The following VPS13A variants were observed in gnomAD, a reference collection of about 807,000 sequenced individuals.
VPS13A encodes the protein intermembrane lipid transfer protein VPS13A.
VPS13A carries 264 observed loss-of-function variants against 390.9 expected under a neutral mutation model. The ratio of observed to expected loss-of-function variants is 0.68; its 90% CI spans 0.61 to 0.75. VPS13A has a LOEUF of 0.75. VPS13A is among the 30% of genes least tolerant of loss of function. The pLI is 0.00. For synonymous variants in VPS13A, 1,231 were observed against 1,227.1 expected (o/e 1.00, Z -0.07); for missense variants, 3,409 against 3,733.9 (o/e 0.91, Z 2.27).
intron 71 of VPS13A, among the ~76,000 whole-genome samples, chr9:77,408,489 G>A (rs909280411): frequency 2.4e-4 from 37 of 152,340 alleles, no homozygotes; most frequent in African/African-American, 6.3e-4. Context: ...AAAGTAGGGC[G>A]AGGCATCACC....
At chr9:77,206,458 A>AATTC (rs2131127477) in intron 5 of VPS13A, among the ~76,000 whole-genome samples, 2 of 151,966 alleles carry the variant, frequency 1.3e-5, no homozygotes, top group East Asian at 3.9e-4. Flanking sequence ...CTTTTATATC[A>AATTC]ATTCTTCACC....
rs761346158 is a variant in VPS13A at position 77,227,380 on chromosome 9, C to G, written c.1358-11C>G. ...ATTTAAGAACATAAAGCACTTCTTT[C>G]TGATTTGTAGCTCTTGAAGAAATGT... On this transcript the variant is annotated splice_polypyrimidine_tract_variant and intron_variant, in intron 15 of 71. Transcript: ENST00000360280. The G allele has an allele frequency of 3.1e-6, 5 of 1,594,656 alleles. No homozygotes were observed. The highest frequency in any genetic ancestry group is 4.3e-6 in the Non-Finnish European group (5 of 1,163,164).
At chr9:77,411,141 A>C (rs1036184753) in intron 71 of VPS13A, among the ~76,000 whole-genome samples, 60 of 152,196 alleles carry the variant, frequency 3.9e-4, no homozygotes, top group Non-Finnish European at 6.5e-4. Flanking sequence ...AACTCACTTA[A>C]AACCACTCAA....
chr9:77,353,303 T>A, intron 53 of VPS13A, 106 bp from the exon 54 acceptor site: 1 of 797,910 alleles, frequency 1.3e-6, no homozygotes. Flanking sequence ...ATGAAGTAGG[T>A]GCCATTAATA....
At position 77,299,479 on chromosome 9, in the gene VPS13A, G is replaced by A. The variant is rs190130227; in HGVS notation, c.3813-3436G>A. On this transcript the variant is annotated intron_variant, in intron 33 of 71. Transcript: ENST00000360280. The stretch of plus-strand genomic sequence containing the variant: ...GAACACTTTTACACTGTTGGTGTGC[G>A]TGTAAATTAGTGCAACCATTGTGGA... 9.9e-5 allele frequency among the ~76,000 whole-genome samples: 15 copies of A among 152,258 alleles called. No homozygotes were observed. The East Asian group carries it at 1.5e-3, about 16-fold the overall frequency.
At position 77,337,450 on chromosome 9, in the gene VPS13A, T is replaced by C. The variant is rs531944097; in HGVS notation, c.6291T>C (p.Asp2097=). The C allele has an allele frequency of 2.3e-5, 37 of 1,613,318 alleles. No homozygotes were observed. Among genetic ancestry groups the C allele is most frequent in the Non-Finnish European group, 3.1e-5 (36 of 1,179,526 alleles). Residue 2097 remains aspartate (D), a synonymous_variant, in exon 47 of 72, where the codon GAT becomes GAC. Transcript: ENST00000360280. ...NLTSLSVYSE[D]GWDLPYIMHL... The stretch of plus-strand genomic sequence containing the variant: ...CATCTCTATCAGTGTATTCAGAAGA[T>C]GGTTGGGATTTACCATACATAATGC...
At position 77,370,398 on chromosome 9, in the gene VPS13A, A is replaced by C. The variant is rs768324037; in HGVS notation, c.8744-17A>C. On this transcript the variant is annotated splice_polypyrimidine_tract_variant and intron_variant, in intron 64 of 71. Transcript: ENST00000360280. ...AGTAATGGCATCATTACTTTTACTA[A>C]AGATAATTTCTGTCAGGTGGATTGG... 2 of 1,614,138 alleles carry C rather than the reference A, an allele frequency of 1.2e-6. No individual in the cohort carries two copies. The highest frequency in any genetic ancestry group is 1.7e-6 in the Non-Finnish European group (2 of 1,180,008).
intron 68 of VPS13A, among the ~76,000 whole-genome samples, chr9:77,397,424 T>C (rs1278717470): frequency 6.6e-6 from 1 of 152,228 alleles, no homozygotes; most frequent in East Asian, 1.9e-4. Flanking sequence ...CATGTTCTTG[T>C]CCTTTAACCA....
rs908388159 is a variant in VPS13A at position 77,413,446 on chromosome 9, G to A, written c.9475-2510G>A. 2.4e-4 allele frequency among the ~76,000 whole-genome samples: 36 copies of A among 152,152 alleles called. No homozygotes were observed. In the East Asian group the frequency reaches 2.5e-3, roughly 11 times the overall value. On this transcript the variant is annotated intron_variant, in intron 71 of 71. Transcript: ENST00000360280. ...CTCAGAAATAACGCCGCATATCTAC[G>A]ACCATCTGATCTTTGACAAACCTGA...
intron 32 of VPS13A, among the ~76,000 whole-genome samples, chr9:77,294,224 A>G (rs1827844728): frequency 6.6e-6 from 1 of 152,166 alleles, no homozygotes. Flanking sequence ...CAAGAAAATC[A>G]TATTTTCGAT....
intron 33 of VPS13A, among the ~76,000 whole-genome samples, chr9:77,298,955 T>C (rs2131383794): frequency 6.6e-6 from 1 of 152,184 alleles, no homozygotes; most frequent in South Asian, 2.1e-4. Context: ...GAGGAAGGGG[T>C]CCAGTTTCAG....
intron 67 of VPS13A, 40 bp downstream of exon 67, chr9:77,371,189 A>G: frequency 6.2e-7 from 1 of 1,612,576 alleles, no homozygotes; most frequent in Non-Finnish European, 8.5e-7. Flanking sequence ...TAAAATGCTG[A>G]AGCCATGAGA....
chr9:77,234,707 T>A (rs986135390), intron 17 of VPS13A, among the ~76,000 whole-genome samples: 1 of 152,312 alleles, frequency 6.6e-6, no homozygotes, highest in South Asian at 2.1e-4. Context: ...TGCTATTTGT[T>A]TATTGTATGT....
intron 1 of VPS13A, chr9:77,178,087 T>G (rs572693518): frequency 2.4e-4 from 90 of 377,846 alleles, no homozygotes; most frequent in Non-Finnish European, 4.0e-4. Context: ...TCCGTGGGTC[T>G]GGCGTTCAAG....
chr9:77,364,969 G>A (rs552356143), intron 59 of VPS13A, among the ~76,000 whole-genome samples: 218 of 152,180 alleles, frequency 1.4e-3, no homozygotes, highest in African/African-American at 4.7e-3. Context: ...AGTTACTTCC[G>A]TCTGAGCATT....
At chr9:77,230,332 ATATT>A (rs745870322) in intron 17 of VPS13A, among the ~76,000 whole-genome samples, 6 of 152,026 alleles carry the variant, frequency 3.9e-5, no homozygotes, top group Non-Finnish European at 5.9e-5. Flanking sequence ...ATACTCCTAT[ATATT>A]CTTATAAGAA....
Position 77,317,701 on chromosome 9 carries a change from A to G in VPS13A, c.4956+3A>G. The G allele has an allele frequency of 1.9e-6, 3 of 1,577,342 alleles. No individual in the cohort carries two copies. The highest frequency in any genetic ancestry group is 4.6e-5 in the East Asian group (2 of 43,718). ...CAGTAAAATCCCTGACACTAAAGGT[A>G]AATTAAAATATAATCATTTGAATAT... On this transcript the variant is annotated splice_donor_region_variant and intron_variant, in intron 40 of 71. Coordinates refer to ENST00000360280, the MANE Select transcript of VPS13A (RefSeq NM_033305.3).
Position 77,314,629 on chromosome 9 carries a change from T to C in VPS13A, c.4377T>C (p.Asp1459=). The stretch of plus-strand genomic sequence containing the variant: ...TCTCATTAAAAAACTGTATTTTAGA[T>C]GATAAAAGACCTCATGTCAAGAAAG... The part of the protein sequence containing the change: ...SSFSLKNCIL[D]DKRPHVKKAT... Residue 1459 remains aspartate, a synonymous_variant, in exon 37 of 72, where the codon GAT becomes GAC. Coordinates refer to ENST00000360280, the MANE Select transcript of VPS13A (RefSeq NM_033305.3). 6.2e-7 allele frequency: 1 copy of C among 1,612,596 alleles called. No homozygotes were observed. The highest frequency in any genetic ancestry group is 8.5e-7 in the Non-Finnish European group (1 of 1,179,154).
intron 20 of VPS13A, among the ~76,000 whole-genome samples, chr9:77,249,513 T>A (rs191181747): frequency 6.6e-6 from 1 of 152,222 alleles, no homozygotes; most frequent in South Asian, 2.1e-4. Context: ...AGTTAAAAAA[T>A]GTATGTGTAC....
Sources: allele counts gnomAD v4.1 joint callset (sites outside exome capture counted in the v4.1 genomes callset), GRCh38; gene constraint gnomAD v4.1.1; transcripts MANE v1.5; gene names NCBI Gene and HGNC (gene_info 2026-07-23, HGNC 2026-07-21).